Variants in ZNF749 observed in about 807,000 individuals in gnomAD.
ZNF749 encodes zinc finger protein 749.
A neutral mutation model predicts 7.3 loss-of-function variants in ZNF749; 8 were observed. That is an observed-to-expected ratio of 1.10 (90% CI 0.64 to 1.98). The LOEUF (loss-of-function observed/expected upper bound fraction) is 1.98. Among genes scored for constraint, ZNF749 ranks in the 30% most tolerant of loss-of-function variants. ZNF749 has a pLI of 0.00. For missense variants in ZNF749, 898 were observed against 932.4 expected (o/e 0.96, Z 0.48); for synonymous variants, 310 against 322.4 (o/e 0.96, Z 0.41).
rs1276744920 is a variant in ZNF749, at chr19:57,439,463, G to C, written c.16-2422G>C. Among the ~76,000 whole-genome samples the C allele has an allele frequency of 6.6e-6, 1 of 152,176 alleles. No individual in the cohort carries two copies. The highest frequency in any genetic ancestry group is 1.5e-5 in the Non-Finnish European group (1 of 68,038). The stretch of plus-strand genomic sequence containing the variant: ...TATAGTAGAGCATATGAGGAACCAA[G>C]TTTTGGCCAAGTCAAAAATGTTCCA... On this transcript the variant is annotated intron_variant, in intron 1 of 2. Transcript: ENST00000334181. The surrounding 1 kb of genome is among the most constrained non-coding windows in gnomAD (Gnocchi z 4.3).
Position 57,436,227 on chromosome 19 carries a change from A to C in ZNF749, c.15+634A>C, listed in dbSNP as rs1260356086. ...TCAGCTTAAGGAGCGGGTTTCAGACAGAAGATCCTGGGTTGGATTTTGGGC... is the reference window on the plus strand; with the variant it reads ...TCAGCTTAAGGAGCGGGTTTCAGACCGAAGATCCTGGGTTGGATTTTGGGC... On this transcript the variant is annotated intron_variant, in intron 1 of 2. Transcript: ENST00000334181. This position sits in a 1 kb window ranked among gnomAD's most constrained non-coding sequence, Gnocchi z 4.0. Among the ~76,000 whole-genome samples the C allele has an allele frequency of 6.6e-6, 1 of 152,192 alleles. No individual in the cohort carries two copies. Among genetic ancestry groups the C allele is most frequent in the Admixed American group, 6.6e-5 (1 of 15,254 alleles).
rs752998497 is a variant in ZNF749 at position 57,444,452 on chromosome 19, A to G, written c.1304A>G (p.Glu435Gly). 1 of 1,614,076 alleles carries G rather than the reference A, an allele frequency of 6.2e-7. No individual in the cohort carries two copies. The highest frequency in any genetic ancestry group is 8.5e-7 in the Non-Finnish European group (1 of 1,179,916). Residue 435 changes from glutamate to glycine, a missense_variant, in exon 3 of 3, where the codon GAA becomes GGA. Transcript: ENST00000334181. ...VVQHLKIHTG[E>G]RPYECTECEK... ...CAGCATCTGAAAATTCATACTGGAG[A>G]ACGGCCTTATGAGTGCACTGAATGT...
intron 1 of ZNF749, among the ~76,000 whole-genome samples, chr19:57,438,872 C>A (rs1350247579): frequency 1.3e-5 from 2 of 152,102 alleles, no homozygotes; most frequent in African/African-American, 4.8e-5. Context: ...CGTTCAGGCA[C>A]GGGATATAGA....
rs370545340 is a variant in ZNF749 at position 57,443,921 on chromosome 19, G to T, written c.773G>T (p.Gly258Val). The T allele has an allele frequency of 1.2e-6, 2 of 1,613,684 alleles. No individual in the cohort carries two copies. Among genetic ancestry groups the T allele is most frequent in the Non-Finnish European group, 1.7e-6 (2 of 1,179,860 alleles). The change falls in exon 3 of 3, where the codon GGA becomes GTA. Residue 258 changes from glycine (G) to valine (V), a missense_variant. By Grantham distance (109) the Gly-to-Val change is moderately radical. Transcript: ENST00000334181. ...AGGCCTTATGAGGGCACTGAATATG[G>T]AAAGACCTTTATTAGAAAGTCCAAC... Reference protein sequence around the residue: ...GERPYEGTEYGKTFIRKSNLV... With the variant: ...GERPYEGTEYVKTFIRKSNLV...
chr19:57,442,070 C>G lies in ZNF749; in HGVS notation c.142+59C>G. 6.3e-7 allele frequency: 1 copy of G among 1,588,698 alleles called. No homozygotes were observed. The highest frequency in any genetic ancestry group is 8.6e-7 in the Non-Finnish European group (1 of 1,166,328). ...CTGGGTGCTGTTTTTTTGCTCTTTT[C>G]CATGACAACTCTGTCTTTCCCACAC... On this transcript the variant is annotated intron_variant, in intron 2 of 2. Coordinates refer to ENST00000334181, the MANE Select transcript of ZNF749 (RefSeq NM_001023561.4). This position sits in a 1 kb window ranked among gnomAD's most constrained non-coding sequence, Gnocchi z 6.6.
At position 57,444,675 on chromosome 19, in the gene ZNF749, G is replaced by C. The variant is rs762482654; in HGVS notation, c.1527G>C (p.Arg509=). The change falls in exon 3 of 3, where the codon CGG becomes CGC. Residue 509 remains arginine (R), a synonymous_variant. Coordinates refer to ENST00000334181, the MANE Select transcript of ZNF749 (RefSeq NM_001023561.4). ...ACCAGAAAATCCATACTGGAGAACGGCCTTATGAATGCACTCAATGTGCGA... is the reference window on the plus strand; with the variant it reads ...ACCAGAAAATCCATACTGGAGAACGCCCTTATGAATGCACTCAATGTGCGA... ...VGHQKIHTGE[R]PYECTQCAKA... 1.2e-6 allele frequency: 2 copies of C among 1,613,602 alleles called. No individual in the cohort carries two copies. The highest frequency in any genetic ancestry group is 1.7e-6 in the Non-Finnish European group (2 of 1,179,932).
upstream of ZNF749, among the ~76,000 whole-genome samples, chr19:57,433,443 C>T (rs958254061): frequency 6.6e-5 from 10 of 151,952 alleles, no homozygotes; most frequent in South Asian, 2.1e-4. Flanking sequence ...TTGGTGTAGC[C>T]GTTGTCCATT....
At chr19:57,438,166 A>G in intron 1 of ZNF749, 1 of 398,928 alleles carries the variant, frequency 2.5e-6, no homozygotes, top group Non-Finnish European at 4.4e-6. Context: ...TAAACAGCAA[A>G]CTGTTTCTCA....
At position 57,441,936 on chromosome 19, in the gene ZNF749, G is replaced by C. The variant is rs201705170; in HGVS notation, c.67G>C (p.Gly23Arg). 1.2e-6 allele frequency: 2 copies of C among 1,614,144 alleles called. No individual in the cohort carries two copies. Among genetic ancestry groups the C allele is most frequent in the Non-Finnish European group, 1.7e-6 (2 of 1,180,012 alleles). Residue 23 changes from glycine (G) to arginine (R), a missense_variant, in exon 2 of 3, where the codon GGG becomes CGG. Transcript: ENST00000334181. ...VAIYFSQEEW[G>R]ILNDAQRHLH... is the part of the protein sequence containing the mutation. ...CATATATTTCTCCCAAGAGGAATGGGGGATCCTTAATGATGCTCAGAGACA... is the reference window on the plus strand; with the variant it reads ...CATATATTTCTCCCAAGAGGAATGGCGGATCCTTAATGATGCTCAGAGACA...
rs971297294 is a variant in ZNF749, at chr19:57,446,500, T to C, written c.*1015T>C. ...TGAATTTTACTATAAATATCTCATA[T>C]GAGGAAACTTAAGTTTTAGTCTTTT... On this transcript the variant is annotated 3_prime_UTR_variant, in exon 3 of 3. Transcript: ENST00000334181. Among the ~76,000 whole-genome samples, 4 of 152,240 alleles carry C rather than the reference T, an allele frequency of 2.6e-5. No homozygotes were observed. Among genetic ancestry groups the C allele is most frequent in the African/African-American group, 7.2e-5 (3 of 41,472 alleles).
chr19:57,433,402 G>A (rs1475704748), upstream of ZNF749, among the ~76,000 whole-genome samples: 1 of 152,168 alleles, frequency 6.6e-6, no homozygotes, highest in African/African-American at 2.4e-5. Context: ...ATGGGTTGGT[G>A]TAGATTATGG....
intron 1 of ZNF749, chr19:57,438,088 T>G: frequency 2.5e-6 from 1 of 398,870 alleles, no homozygotes; most frequent in Non-Finnish European, 4.4e-6. Flanking sequence ...ATGGCTTGCT[T>G]CTTCCTGTTA....
chr19:57,445,285 A>T lies in ZNF749; in HGVS notation c.2137A>T (p.Ile713Leu), dbSNP rs756431691. Residue 713 changes from isoleucine (I) to leucine (L), a missense_variant, in exon 3 of 3, where the codon ATA becomes TTA. Transcript: ENST00000334181. Reference sequence around the variant, plus strand: ...GTTTAGGACTAAATCGAGCCTTATTATACATCAGCAGTCTCACACTGGAGA... The same window carrying T: ...GTTTAGGACTAAATCGAGCCTTATTTTACATCAGCAGTCTCACACTGGAGA... ...ELFRTKSSLI[I>L]HQQSHTGESP... is the part of the protein sequence containing the mutation. The T allele has an allele frequency of 6.2e-7, 1 of 1,614,006 alleles. No homozygotes were observed. Among genetic ancestry groups the T allele is most frequent in the South Asian group, 1.1e-5 (1 of 91,086 alleles).
Position 57,443,898 on chromosome 19 carries a change from G to T in ZNF749, c.750G>T (p.Arg250Ser), listed in dbSNP as rs747658577. 6.2e-7 allele frequency: 1 copy of T among 1,613,986 alleles called. No individual in the cohort carries two copies. Among genetic ancestry groups the T allele is most frequent in the Non-Finnish European group, 8.5e-7 (1 of 1,179,918 alleles). Residue 250 changes from arginine (R) to serine (S), a missense_variant, in exon 3 of 3, where the codon AGG becomes AGT. By Grantham distance (110) the Arg-to-Ser change is moderately radical. Coordinates refer to ENST00000334181, the MANE Select transcript of ZNF749 (RefSeq NM_001023561.4). ...ATCAGCAAAATCATGCTGGAGAAAG[G>T]CCTTATGAGGGCACTGAATATGGAA... is the stretch of plus-strand genomic sequence containing the variant. ...IKYQQNHAGE[R>S]PYEGTEYGKT...
At chr19:57,441,091 G>A (rs1329785280) in intron 1 of ZNF749, among the ~76,000 whole-genome samples, 1 of 146,022 alleles carries the variant, frequency 6.8e-6, no homozygotes, top group East Asian at 2.0e-4. Flanking sequence ...CTCCAGCCTG[G>A]GTGACAGAGC....
At position 57,444,007 on chromosome 19, in the gene ZNF749, G is replaced by A. The variant is rs1264431908; in HGVS notation, c.859G>A (p.Glu287Lys). The A allele has an allele frequency of 6.2e-7, 1 of 1,613,696 alleles. No individual in the cohort carries two copies. Among genetic ancestry groups the A allele is most frequent in the African/African-American group, 1.3e-5 (1 of 74,864 alleles). Residue 287 changes from glutamate to lysine, a missense_variant, in exon 3 of 3, where the codon GAA becomes AAA. Coordinates refer to ENST00000334181, the MANE Select transcript of ZNF749 (RefSeq NM_001023561.4). The stretch of plus-strand genomic sequence containing the variant: ...TCTTTCAAAAAGGTCTGACCCCATT[G>A]AACATCAGGAGATTCTCAGTAGACC... ...GFLSKRSDPI[E>K]HQEILSRPTP...
At position 57,444,973 on chromosome 19, in the gene ZNF749, G is replaced by A. The variant is rs2123110075; in HGVS notation, c.1825G>A (p.Glu609Lys). 1 of 1,614,170 alleles carries A rather than the reference G, an allele frequency of 6.2e-7. No homozygotes were observed. The highest frequency in any genetic ancestry group is 2.2e-5 in the East Asian group (1 of 44,880). The change falls in exon 3 of 3, where the codon GAA becomes AAA. Residue 609 changes from glutamate (E) to lysine (K), a missense_variant. Transcript: ENST00000334181. ...TATTCATCAGAGAATTCACACTGGA[G>A]AAAAGCCTTATAAATGCAGCAAATG... The part of the protein sequence containing the change: ...LVIHQRIHTG[E>K]KPYKCSKCGK...
chr19:57,435,383 AT>A lies in ZNF749; in HGVS notation c.-193del. 1.3e-6 allele frequency: 1 copy of A among 780,564 alleles called. No homozygotes were observed. The highest frequency in any genetic ancestry group is 1.7e-5 in the South Asian group (1 of 60,122). The allele number at this position is 780,564 out of a possible 1,614,324, so 48.4% of individuals were successfully genotyped here. A position where few individuals can be genotyped will look rare whatever the true frequency, so the allele number is the denominator to read the frequency against. On this transcript the variant is annotated 5_prime_UTR_variant, in exon 1 of 3. It introduces an in-frame stop codon into an upstream open reading frame of the 5' UTR. Transcript: ENST00000334181. ...TGGCTACCTAGGGATCTGTTCACTG[AT>A]TTAGAGGGTCCCAGAGCTCTGGGTC...
rs924750333 is a variant in ZNF749, at chr19:57,435,668, G to T, written c.15+75G>T. On this transcript the variant is annotated intron_variant, in intron 1 of 2. Transcript: ENST00000334181. ...GAAGTCCCAAGGAGCCGCCCTGCAGGTTAGGCCCTTGTGTCTCTAAGAGAG... is the reference window on the plus strand; with the variant it reads ...GAAGTCCCAAGGAGCCGCCCTGCAGTTTAGGCCCTTGTGTCTCTAAGAGAG... The T allele has an allele frequency of 7.7e-6, 12 of 1,559,340 alleles. No homozygotes were observed. In the Admixed American group the frequency reaches 2.3e-4, roughly 30 times the overall value.
Sources: allele counts gnomAD v4.1 joint callset (sites outside exome capture counted in the v4.1 genomes callset), GRCh38; gene constraint gnomAD v4.1.1; non-coding constraint Gnocchi (gnomAD v3.1); transcripts MANE v1.5; gene names NCBI Gene and HGNC (gene_info 2026-07-23, HGNC 2026-07-21).